KLHL29: variants seen among roughly 807,000 people sequenced by gnomAD.
KLHL29 encodes the protein kelch-like protein 29.
KLHL29 carries 21 observed loss-of-function variants against 80.4 expected under a neutral mutation model. That is an observed-to-expected ratio of 0.26 (90% confidence interval 0.19 to 0.38). The LOEUF (loss-of-function observed/expected upper bound fraction) is 0.38. Among genes scored for constraint, KLHL29 ranks in the 10% least tolerant of loss-of-function variants. The pLI is 1.00. For synonymous variants in KLHL29, 511 were observed against 526.8 expected (o/e 0.97, Z 0.41); for missense variants, 867 against 1,223.9 (o/e 0.71, Z 4.35).
rs1669963248 is a variant in KLHL29 at position 23,647,259 on chromosome 2, T to C, written c.940+4409T>C. Among the ~76,000 whole-genome samples, 4 of 152,172 alleles carry C rather than the reference T, an allele frequency of 2.6e-5. No homozygotes were observed. Among genetic ancestry groups the C allele is most frequent in the Admixed American group, 2.6e-4 (4 of 15,274 alleles). On this transcript the variant is annotated intron_variant, in intron 5 of 13. Coordinates refer to ENST00000486442, the MANE Select transcript of KLHL29 (RefSeq NM_052920.2). This position sits in a 1 kb window ranked among gnomAD's most constrained non-coding sequence, Gnocchi z 4.9. ...CACACTCTGACATGTCCAGGGCACA[T>C]TGTTCCTTCCACAGCCTCCATAAAT...
chr2:23,641,221 G>A (rs1435504164), intron 4 of KLHL29, among the ~76,000 whole-genome samples: 2 of 152,138 alleles, frequency 1.3e-5, no homozygotes, highest in Admixed American at 6.5e-5. Flanking sequence ...AGCTGACCTC[G>A]CCTCTTGTGT....
At chr2:23,479,747 C>T (rs533797069) in intron 2 of KLHL29, among the ~76,000 whole-genome samples, 46 of 152,264 alleles carry the variant, frequency 3.0e-4, no homozygotes, top group African/African-American at 1.1e-3. Context: ...TGTCTCAGTC[C>T]TCCTCCCTCC....
At chr2:23,634,836 C>A (rs1558417488) in intron 3 of KLHL29, among the ~76,000 whole-genome samples, 1 of 152,248 alleles carries the variant, frequency 6.6e-6, no homozygotes, top group Non-Finnish European at 1.5e-5. Context: ...GTCATTCACT[C>A]TCCCTGGAAT....
chr2:23,610,505 C>G (rs1415812931), intron 3 of KLHL29, among the ~76,000 whole-genome samples: 1 of 152,224 alleles, frequency 6.6e-6, no homozygotes, highest in African/African-American at 2.4e-5. Flanking sequence ...ACGTGGTCAT[C>G]TCTCCTCAGT....
At chr2:23,548,281 GCACA>G (rs1667028829) in intron 2 of KLHL29, among the ~76,000 whole-genome samples, 1 of 150,468 alleles carries the variant, frequency 6.6e-6, no homozygotes, top group Non-Finnish European at 1.5e-5. Context: ...ACACACAGGC[GCACA>G]CACACAAACA....
At chr2:23,574,254 G>A (rs1667788115) in intron 3 of KLHL29, among the ~76,000 whole-genome samples, 2 of 152,130 alleles carry the variant, frequency 1.3e-5, no homozygotes. Flanking sequence ...GATGGAGAAG[G>A]AGAGACCCTA....
chr2:23,408,550 G>T (rs1666788804), intron 1 of KLHL29, among the ~76,000 whole-genome samples: 1 of 152,146 alleles, frequency 6.6e-6, no homozygotes, highest in Non-Finnish European at 1.5e-5. Flanking sequence ...TATACATAGA[G>T]TGAGATCGTT....
chr2:23,519,177 G>T (rs1465167686), intron 2 of KLHL29, among the ~76,000 whole-genome samples: 1 of 152,126 alleles, frequency 6.6e-6, no homozygotes, highest in Non-Finnish European at 1.5e-5. Context: ...AGCGGGGACA[G>T]CCTCCCTAGG....
chr2:23,685,308 G>A (rs1469845040), intron 6 of KLHL29: 1 of 152,122 alleles, frequency 6.6e-6, no homozygotes, highest in African/African-American at 2.4e-5. Context: ...AAAGAAGTCA[G>A]GGGCCACCTT....
intron 5 of KLHL29, among the ~76,000 whole-genome samples, chr2:23,677,999 C>G (rs1491000477): frequency 6.6e-6 from 1 of 152,252 alleles, no homozygotes; most frequent in Admixed American, 6.5e-5. Context: ...ATGGACTTCT[C>G]TGCTGCAAAG....
rs182869140 is a variant in KLHL29, at chr2:23,516,069, C to T, written c.-46+40402C>T. On this transcript the variant is annotated intron_variant, in intron 2 of 13. Coordinates refer to ENST00000486442, the MANE Select transcript of KLHL29 (RefSeq NM_052920.2). ...TAGATGCTGAGCTGGACAGCAGGGT[C>T]CCCTCTCCCTCCTAGAGCTTAGAAG... 1.3e-4 allele frequency among the ~76,000 whole-genome samples: 20 copies of T among 152,338 alleles called. No individual in the cohort carries two copies. In the East Asian group the frequency reaches 3.7e-3, roughly 28 times the overall value.
intron 1 of KLHL29, among the ~76,000 whole-genome samples, chr2:23,470,704 G>T (rs1313330818): frequency 6.6e-6 from 1 of 152,130 alleles, no homozygotes; most frequent in Non-Finnish European, 1.5e-5. Context: ...TGAAAATAAC[G>T]GATCTCATCA....
At chr2:23,576,133 C>T (rs780752503) in intron 3 of KLHL29, among the ~76,000 whole-genome samples, 16 of 152,034 alleles carry the variant, frequency 1.1e-4, no homozygotes, top group East Asian at 1.9e-4. Flanking sequence ...AGTGAAACGC[C>T]GTCTCTAGTA....
chr2:23,581,917 T>C (rs1353594710), intron 3 of KLHL29, among the ~76,000 whole-genome samples: 3 of 151,682 alleles, frequency 2.0e-5, no homozygotes, highest in Admixed American at 2.0e-4. Flanking sequence ...GCTCCACCTT[T>C]GAAAAACTCT....
At position 23,693,347 on chromosome 2, in the gene KLHL29, T is replaced by G; in HGVS notation, c.1361T>G (p.Met454Arg). ...EAMQCSELYHMAKAFALQIFP... is the reference protein window; with the variant it reads ...EAMQCSELYHRAKAFALQIFP... ...ATGCAGTGCAGCGAGCTCTACCACA[T>G]GGCCAAGGCCTTCGCGCTGCAGATC... Residue 454 changes from methionine to arginine, a missense_variant, in exon 8 of 14, where the codon ATG becomes AGG. Met to Arg is a moderately conservative substitution (Grantham distance 91). This residue lies in a region of KLHL29 where 443 missense variants were observed against 767.0 expected (regional missense o/e 0.58). Transcript: ENST00000486442. 4 of 1,551,582 alleles carry G rather than the reference T, an allele frequency of 2.6e-6. No individual in the cohort carries two copies. The highest frequency in any genetic ancestry group is 2.6e-6 in the Non-Finnish European group (3 of 1,146,982).
intron 1 of KLHL29, among the ~76,000 whole-genome samples, chr2:23,458,888 A>G (rs1664135191): frequency 6.6e-6 from 1 of 152,196 alleles, no homozygotes; most frequent in African/African-American, 2.4e-5. Context: ...ATCTGAGTCT[A>G]ATGGTGAAGG....
intron 3 of KLHL29, among the ~76,000 whole-genome samples, chr2:23,594,378 A>G (rs540306327): frequency 8.1e-4 from 124 of 152,196 alleles, no homozygotes; most frequent in Non-Finnish European, 1.4e-3. Flanking sequence ...AATGGCTCCC[A>G]CCTGGACCCA....
chr2:23,682,115 C>G lies in KLHL29; in HGVS notation c.941-2284C>G, dbSNP rs1029356258. On this transcript the variant is annotated intron_variant, in intron 5 of 13. Coordinates refer to ENST00000486442, the MANE Select transcript of KLHL29 (RefSeq NM_052920.2). The surrounding 1 kb of genome is among the most constrained non-coding windows in gnomAD (Gnocchi z 4.1). Reference sequence around the variant, plus strand: ...CCTGTTAGTGGTCTCCATGCCTCCCCCTCCCCACTTCCTTCCTGCACTGAG... The same window carrying G: ...CCTGTTAGTGGTCTCCATGCCTCCCGCTCCCCACTTCCTTCCTGCACTGAG... Among the ~76,000 whole-genome samples the G allele has an allele frequency of 6.6e-6, 1 of 152,188 alleles. No homozygotes were observed. The highest frequency in any genetic ancestry group is 1.5e-5 in the Non-Finnish European group (1 of 68,030).
intron 4 of KLHL29, among the ~76,000 whole-genome samples, chr2:23,640,397 C>G (rs1398052140): frequency 6.6e-6 from 1 of 152,190 alleles, no homozygotes; most frequent in African/African-American, 2.4e-5. Context: ...CTCCATGGCA[C>G]TGTGTCTCTG....
Sources: gnomAD v4.1 joint callset for allele counts (sites outside exome capture counted in the v4.1 genomes callset) on GRCh38, gnomAD v4.1.1 for gene constraint, gnomAD v4.1.1 regional missense constraint, Gnocchi (gnomAD v3.1) non-coding constraint, MANE v1.5 for transcripts, NCBI Gene and HGNC (gene_info 2026-07-23, HGNC 2026-07-21) for gene names.